Variants in TSSK4 observed in about 807,000 individuals in gnomAD.
The protein encoded by TSSK4 is testis specific serine kinase 4.
Under a neutral mutation model 28.5 loss-of-function variants are expected in TSSK4, and 22 were observed. That is an observed-to-expected ratio of 0.77 (90% CI 0.55 to 1.10). TSSK4 has a LOEUF of 1.10. Among genes scored for constraint, TSSK4 ranks in the 50% least tolerant of loss-of-function variants. The probability of loss-of-function intolerance (pLI) is 0.00; values close to 1 mark genes in which losing one functional copy is unlikely to be tolerated. For missense variants in TSSK4, 329 were observed against 415.4 expected, an observed-to-expected ratio of 0.79 and a Z score of 1.81; for synonymous variants, 151 against 158.3, an observed-to-expected ratio of 0.95 and a Z score of 0.35.
chr14:24,207,510 G>A lies in TSSK4; in HGVS notation c.834+1G>A. 6.3e-7 allele frequency: 1 copy of A among 1,598,974 alleles called. No individual in the cohort carries two copies. The highest frequency in any genetic ancestry group is 8.5e-7 in the Non-Finnish European group (1 of 1,172,562). ...CCATACCATCTCCCAGGAGTGCAAGGTACTGGCTACCTAAGGAGGGCTGAG... is the reference window on the plus strand; with the variant it reads ...CCATACCATCTCCCAGGAGTGCAAGATACTGGCTACCTAAGGAGGGCTGAG... On this transcript the variant is annotated splice_donor_variant, in intron 3 of 3. Coordinates refer to ENST00000339917, the MANE Select transcript of TSSK4 (RefSeq NM_001184739.2). LOFTEE classifies it high-confidence loss of function.
Position 24,205,954 on chromosome 14 carries a change from C to T in TSSK4, c.31C>T (p.Pro11Ser). The T allele has an allele frequency of 6.2e-7, 1 of 1,614,092 alleles. No homozygotes were observed. MGKGDVLEAA[P>S]TTTAYHSLMD... is the part of the protein sequence containing the mutation. Reference sequence around the variant, plus strand: ...GAAGGGAGATGTCTTAGAGGCAGCACCAACCACCACAGCCTACCATTCCCT... The same window carrying T: ...GAAGGGAGATGTCTTAGAGGCAGCATCAACCACCACAGCCTACCATTCCCT... The change falls in exon 1 of 4, where the codon CCA becomes TCA. Residue 11 changes from proline (P) to serine (S), a missense_variant. Pro to Ser is a moderately conservative substitution (Grantham distance 74, BLOSUM62 -1). This residue lies in a region of TSSK4 where 175 missense variants were observed against 196.0 expected (regional missense o/e 0.89). Transcript: ENST00000339917.
intron 2 of TSSK4, 171 bp downstream of exon 2, chr14:24,206,894 G>A (rs1207707061): frequency 1.0e-6 from 1 of 986,180 alleles, no homozygotes; most frequent in Admixed American, 2.0e-5. Context: ...CTCACTGTAT[G>A]CAAAGCATTT....
intron 3 of TSSK4, 49 bp downstream of exon 3, chr14:24,207,558 A>G: frequency 6.5e-7 from 1 of 1,542,456 alleles, no homozygotes. Context: ...ACCCACAGGG[A>G]GGGGTGAATA....
At chr14:24,207,010 C>T (rs1356226951) in intron 2 of TSSK4, 106 bp from the exon 3 acceptor site, 2 of 1,463,828 alleles carry the variant, frequency 1.4e-6, no homozygotes, top group East Asian at 2.3e-5. Flanking sequence ...TCCTCTCTAC[C>T]TTGTGCCCTC....
In TSSK4 at chr14:24,207,847, A is replaced by G. The variant is rs1273230409; in HGVS notation, c.835-117A>G. ...CCAAGATAAAATCAGAGCCACACCC[A>G]CTTTGACCAGAGTGGTATGATGGGC... On this transcript the variant is annotated intron_variant, in intron 3 of 3. Coordinates refer to ENST00000339917, the MANE Select transcript of TSSK4 (RefSeq NM_001184739.2). The G allele has an allele frequency of 1.9e-6, 3 of 1,571,450 alleles. No individual in the cohort carries two copies. In the African/African-American group the frequency reaches 4.1e-5, roughly 21 times the overall value.
intron 1 of TSSK4, 21 bp downstream of exon 1, chr14:24,206,169 AG>A: frequency 6.2e-7 from 1 of 1,610,208 alleles, no homozygotes; most frequent in Non-Finnish European, 8.5e-7. Context: ...GGGCTGGAAG[AG>A]GGAACTGGAG....
chr14:24,206,447 G>A (rs776194487), intron 1 of TSSK4, 62 bp from the exon 2 acceptor site: 20 of 1,556,588 alleles, frequency 1.3e-5, no homozygotes, highest in Admixed American at 3.4e-5. Flanking sequence ...GGTAGGAGAC[G>A]GCTGGGAGTG....
At position 24,208,033 on chromosome 14, in the gene TSSK4, T is replaced by C; in HGVS notation, c.904T>C (p.Trp302Arg). The change falls in exon 4 of 4, where the codon TGG (tryptophan) becomes CGG (arginine). Residue 302 changes from tryptophan to arginine, a missense_variant. Transcript: ENST00000339917. ...ATILDIIKDSWVLKFQPEQPT... is the reference protein window; with the variant it reads ...ATILDIIKDSRVLKFQPEQPT... ...CATTCTGGACATCATCAAGGATTCC[T>C]GGGTGCTCAAGTTCCAGCCTGAGCA... 6.2e-7 allele frequency: 1 copy of C among 1,614,222 alleles called. No individual in the cohort carries two copies. The highest frequency in any genetic ancestry group is 8.5e-7 in the Non-Finnish European group (1 of 1,180,040).
intron 1 of TSSK4, 141 bp downstream of exon 1, chr14:24,206,289 TTATG>T (rs1220530726): frequency 2.2e-6 from 2 of 904,638 alleles, no homozygotes; most frequent in Non-Finnish European, 3.3e-6. Context: ...CTAGGAAACT[TTATG>T]TAAGTTAAAC....
chr14:24,206,358 A>G, intron 1 of TSSK4, 151 bp from the exon 2 acceptor site: 1 of 928,290 alleles, frequency 1.1e-6, no homozygotes, highest in Non-Finnish European at 1.6e-6. Flanking sequence ...GGCACAAAAC[A>G]TAGCATTTGC....
rs2039521069 is a variant in TSSK4, at chr14:24,206,553, G to A, written c.270G>A (p.Arg90=). 1.2e-6 allele frequency: 2 copies of A among 1,614,194 alleles called. No individual in the cohort carries two copies. The highest frequency in any genetic ancestry group is 1.7e-6 in the Non-Finnish European group (2 of 1,180,024). Residue 90 remains arginine, a synonymous_variant, in exon 2 of 4, where the codon CGG becomes CGA. Transcript: ENST00000339917. ...LRHKYLINFY[R]AIESTSRVYI... is the part of the protein sequence containing the mutation. ...ACAAGTACCTCATCAACTTCTATCG[G>A]GCCATTGAGAGCACATCTCGAGTAT...
Position 24,206,659 on chromosome 14 carries a change from G to C in TSSK4, c.376G>C (p.Gly126Arg). ...CGGGGCCTGCTCTGAGCCCCTTGCTGGCAAGTGGTTCTCCCAGCTGACCCT... is the reference window on the plus strand; with the variant it reads ...CGGGGCCTGCTCTGAGCCCCTTGCTCGCAAGTGGTTCTCCCAGCTGACCCT... ...RYGACSEPLA[G>R]KWFSQLTLGI... Residue 126 changes from glycine (G) to arginine (R), a missense_variant, in exon 2 of 4, where the codon GGC becomes CGC. Coordinates refer to ENST00000339917, the MANE Select transcript of TSSK4 (RefSeq NM_001184739.2). 6.2e-7 allele frequency: 1 copy of C among 1,614,186 alleles called. No individual in the cohort carries two copies. Among genetic ancestry groups the C allele is most frequent in the Non-Finnish European group, 8.5e-7 (1 of 1,180,038 alleles).
intron 1 of TSSK4, 33 bp from the exon 2 acceptor site, chr14:24,206,476 C>T: frequency 6.2e-7 from 1 of 1,612,160 alleles, no homozygotes; most frequent in African/African-American, 1.3e-5. Context: ...GTTCTCCCTT[C>T]CCAGGTTTGA....
chr14:24,208,176 A>C lies in TSSK4; in HGVS notation c.*30A>C. Reference sequence around the variant, plus strand: ...GGCTGAGGGAGGGGGCTAAGAGAGGAGCAAAGCAGGAGGTCTTGGGCTAAA... The same window carrying C: ...GGCTGAGGGAGGGGGCTAAGAGAGGCGCAAAGCAGGAGGTCTTGGGCTAAA... On this transcript the variant is annotated 3_prime_UTR_variant, in exon 4 of 4. Coordinates refer to ENST00000339917, the MANE Select transcript of TSSK4 (RefSeq NM_001184739.2). 6.4e-7 allele frequency: 1 copy of C among 1,560,282 alleles called. No homozygotes were observed. Among genetic ancestry groups the C allele is most frequent in the Non-Finnish European group, 8.7e-7 (1 of 1,150,992 alleles).
At chr14:24,206,417 GT>G in intron 1 of TSSK4, 91 bp from the exon 2 acceptor site, 1 of 1,381,430 alleles carries the variant, frequency 7.2e-7, no homozygotes, top group Non-Finnish European at 1.0e-6. Context: ...CTATTGCAAA[GT>G]CCTAAGTCAG....
chr14:24,207,331 T>G lies in TSSK4; in HGVS notation c.656T>G (p.Ile219Ser), dbSNP rs746522000. The change falls in exon 3 of 4, where the codon ATC (isoleucine) becomes AGC (serine). Residue 219 changes from isoleucine to serine, a missense_variant. Coordinates refer to ENST00000339917, the MANE Select transcript of TSSK4 (RefSeq NM_001184739.2). ...CGSFAYACPE[I>S]LRGLPYNPFL... ...AGCTTTGCTTACGCTTGCCCAGAGA[T>G]CTTACGAGGCTTGCCCTACAACCCT... 3 of 1,614,040 alleles carry G rather than the reference T, an allele frequency of 1.9e-6. No individual in the cohort carries two copies. Among genetic ancestry groups the G allele is most frequent in the South Asian group, 1.1e-5 (1 of 91,084 alleles).
Position 24,207,516 on chromosome 14 carries a change from G to A in TSSK4, c.834+7G>A. The A allele has an allele frequency of 1.3e-6, 2 of 1,593,936 alleles. No individual in the cohort carries two copies. The highest frequency in any genetic ancestry group is 1.7e-6 in the Non-Finnish European group (2 of 1,170,330). ...CATCTCCCAGGAGTGCAAGGTACTG[G>A]CTACCTAAGGAGGGCTGAGCCTTCA... On this transcript the variant is annotated splice_region_variant and intron_variant, in intron 3 of 3. Transcript: ENST00000339917.
chr14:24,207,457 C>T lies in TSSK4; in HGVS notation c.782C>T (p.Thr261Ile), dbSNP rs372943435. 4 of 1,613,964 alleles carry T rather than the reference C, an allele frequency of 2.5e-6. No individual in the cohort carries two copies. In the African/African-American group the frequency reaches 4.0e-5, roughly 16 times the overall value. ...DTNLKKLLRE[T>I]QKEVTFPANH... ...AATCTCAAAAAGCTGCTAAGAGAGACTCAGAAGGAGGTCACTTTCCCAGCT... is the reference window on the plus strand; with the variant it reads ...AATCTCAAAAAGCTGCTAAGAGAGATTCAGAAGGAGGTCACTTTCCCAGCT... Residue 261 changes from threonine to isoleucine, a missense_variant, in exon 3 of 4, where the codon ACT becomes ATT. Thr to Ile is a moderately conservative substitution (Grantham distance 89). This residue lies in a region of TSSK4 where 139 missense variants were observed against 178.1 expected (regional missense o/e 0.78). Coordinates refer to ENST00000339917, the MANE Select transcript of TSSK4 (RefSeq NM_001184739.2).
Position 24,206,124 on chromosome 14 carries a change from C to T in TSSK4, c.201C>T (p.Asn67=), listed in dbSNP as rs1594463629. Residue 67 remains asparagine (N), a synonymous_variant, in exon 1 of 4, where the codon AAC becomes AAT. Coordinates refer to ENST00000339917, the MANE Select transcript of TSSK4 (RefSeq NM_001184739.2). ...AGAAGGCCTCTGATGACTATCTTAACAAGTTCCTGCCCCGTGAAATACAGG... is the reference window on the plus strand; with the variant it reads ...AGAAGGCCTCTGATGACTATCTTAATAAGTTCCTGCCCCGTGAAATACAGG... ...SKKKASDDYL[N]KFLPREIQVM... 1.2e-6 allele frequency: 2 copies of T among 1,613,978 alleles called. No homozygotes were observed. Among genetic ancestry groups the T allele is most frequent in the African/African-American group, 1.3e-5 (1 of 74,892 alleles).
Sources: gnomAD v4.1 joint callset for allele counts on GRCh38, gnomAD v4.1.1 for gene constraint, gnomAD v4.1.1 regional missense constraint, MANE v1.5 for transcripts, NCBI Gene and HGNC (gene_info 2026-07-23, HGNC 2026-07-21) for gene names.